The following NT5DC1 variants were observed in gnomAD, a reference collection of about 807,000 sequenced individuals.
The protein encoded by NT5DC1 is 5'-nucleotidase domain containing 1.
In NT5DC1, 42 loss-of-function variants were observed where a neutral mutation model predicts 59.4. The observed-to-expected ratio is 0.71, with a 90% confidence interval of 0.55 to 0.92. The LOEUF is 0.92. Ranked by LOEUF, NT5DC1 falls within the 40% of genes least tolerant of loss-of-function variation. NT5DC1 has a pLI of 0.00. For missense variants in NT5DC1, 501 were observed against 537.1 expected, an observed-to-expected ratio of 0.93 and a Z score of 0.66; for synonymous variants, 172 against 188.1, an observed-to-expected ratio of 0.91 and a Z score of 0.70.
Position 116,110,884 on chromosome 6 carries a change from G to T in NT5DC1, c.292G>T (p.Val98Leu). 1.2e-6 allele frequency: 2 copies of T among 1,614,124 alleles called. No individual in the cohort carries two copies. The highest frequency in any genetic ancestry group is 1.7e-6 in the Non-Finnish European group (2 of 1,179,940). The change falls in exon 4 of 12, where the codon GTG becomes TTG. Residue 98 changes from valine to leucine, a missense_variant. Coordinates refer to ENST00000319550, the MANE Select transcript of NT5DC1 (RefSeq NM_152729.3). The part of the protein sequence containing the change: ...SHGTKMMTPE[V>L]LAEAYGKKEW... ...TGGCACCAAGATGATGACTCCAGAG[G>T]TGCTGGCAGAGGCATATGGCAAGAA...
At chr6:116,124,768 A>G (rs954409462) in intron 6 of NT5DC1, among the ~76,000 whole-genome samples, 4 of 152,128 alleles carry the variant, frequency 2.6e-5, no homozygotes, top group African/African-American at 4.8e-5. Flanking sequence ...CCGCTAAACT[A>G]TATTCAAAAT....
intron 6 of NT5DC1, among the ~76,000 whole-genome samples, chr6:116,220,423 C>T (rs1015104936): frequency 2.6e-5 from 4 of 152,180 alleles, no homozygotes; most frequent in African/African-American, 7.2e-5. Context: ...GAGCAAGCAA[C>T]CCCGCTTCAG....
chr6:116,239,047 CT>C lies in NT5DC1; in HGVS notation c.1178del (p.Leu393TrpfsTer60). On this transcript the variant is annotated frameshift_variant, in exon 11 of 12. Coordinates refer to ENST00000319550, the MANE Select transcript of NT5DC1 (RefSeq NM_152729.3). LOFTEE classifies it high-confidence loss of function. ...TGGGACTGGAAAATACAGAAGACTC[CT>C]TGGTTTATACATGGTCTTGTAAGAG... ...VLGLENTEDS[L>X]VYTWSCKRIS... The C allele has an allele frequency of 6.2e-7, 1 of 1,609,968 alleles. No individual in the cohort carries two copies. Among genetic ancestry groups the C allele is most frequent in the Non-Finnish European group, 8.5e-7 (1 of 1,176,504 alleles).
intron 8 of NT5DC1, among the ~76,000 whole-genome samples, chr6:116,236,530 A>C (rs1376022149): frequency 2.0e-5 from 3 of 152,206 alleles, no homozygotes; most frequent in Non-Finnish European, 2.9e-5. Flanking sequence ...AGGGTGCAAA[A>C]TTTACATCTG....
intron 6 of NT5DC1, chr6:116,120,180 C>G (rs1779067552): frequency 6.2e-7 from 1 of 1,614,010 alleles, no homozygotes; most frequent in South Asian, 1.1e-5. Context: ...TGGTCATTTT[C>G]TGTGAGATCG....
chr6:116,128,645 G>A (rs1393388718), intron 6 of NT5DC1, among the ~76,000 whole-genome samples: 3 of 152,026 alleles, frequency 2.0e-5, no homozygotes, highest in African/African-American at 7.2e-5. Context: ...TAAATACTGG[G>A]TGAATAATAT....
At chr6:116,197,110 TCCTTTCTCCA>T (rs1781246400) in intron 6 of NT5DC1, among the ~76,000 whole-genome samples, 1 of 151,800 alleles carries the variant, frequency 6.6e-6, no homozygotes, top group African/African-American at 2.4e-5. Flanking sequence ...CACCCCCACC[TCCTTTCTCCA>T]TTTGTAGTGG....
At chr6:116,114,477 C>G (rs1778928755) in intron 4 of NT5DC1, among the ~76,000 whole-genome samples, 1 of 128,784 alleles carries the variant, frequency 7.8e-6, no homozygotes, top group Admixed American at 1.1e-4. Flanking sequence ...CCAGTCAACG[C>G]TAAAGAACAA....
In NT5DC1 at chr6:116,236,774, TAAG is replaced by T. The variant is rs574296768; in HGVS notation, c.803-188_803-186del. Among the ~76,000 whole-genome samples, 12 of 152,232 alleles carry T rather than the reference TAAG, an allele frequency of 7.9e-5. No individual in the cohort carries two copies. In the East Asian group the frequency reaches 1.9e-3, roughly 24 times the overall value. On this transcript the variant is annotated intron_variant, in intron 8 of 11. Transcript: ENST00000319550. ...TTCCTTGAACCTTATTTTCCCCAAT[TAAG>T]AAGGCCACGGGATTAAAAAGTATAT...
In NT5DC1 at chr6:116,217,581, C is replaced by T. The variant is rs1431822063; in HGVS notation, c.530-3473C>T. ...AGTGTTAATTAGTATCATAATTAAA[C>T]ATGACTTTTTTCATAGGCTGCCTTA... is the stretch of plus-strand genomic sequence containing the variant. On this transcript the variant is annotated intron_variant, in intron 6 of 11. Coordinates refer to ENST00000319550, the MANE Select transcript of NT5DC1 (RefSeq NM_152729.3). 3.3e-5 allele frequency among the ~76,000 whole-genome samples: 5 copies of T among 152,184 alleles called. No individual in the cohort carries two copies. In the East Asian group the frequency reaches 9.7e-4, roughly 29 times the overall value.
At chr6:116,219,719 G>A (rs566425954) in intron 6 of NT5DC1, among the ~76,000 whole-genome samples, 1 of 152,188 alleles carries the variant, frequency 6.6e-6, no homozygotes, top group South Asian at 2.1e-4. Context: ...CACTTTGGGA[G>A]GCAGAGTGGG....
chr6:116,143,281 G>T (rs753249886), intron 6 of NT5DC1, among the ~76,000 whole-genome samples: 3 of 152,054 alleles, frequency 2.0e-5, no homozygotes, highest in Non-Finnish European at 2.9e-5. Flanking sequence ...CGCGATTTTG[G>T]CTCATTGCAA....
At chr6:116,185,370 T>C (rs1780973919) in intron 6 of NT5DC1, among the ~76,000 whole-genome samples, 1 of 152,142 alleles carries the variant, frequency 6.6e-6, no homozygotes, top group Non-Finnish European at 1.5e-5. Flanking sequence ...AAAATATCTG[T>C]TAAGTCCATT....
At chr6:116,231,945 G>A (rs930472886) in intron 8 of NT5DC1, among the ~76,000 whole-genome samples, 4 of 152,138 alleles carry the variant, frequency 2.6e-5, no homozygotes, top group African/African-American at 4.8e-5. Flanking sequence ...TAGGGCTGCC[G>A]TAACAAAATA....
At chr6:116,173,500 TTCATTCACTTCATGTAG>T (rs1780660477) in intron 6 of NT5DC1, among the ~76,000 whole-genome samples, 2 of 152,036 alleles carry the variant, frequency 1.3e-5, no homozygotes, top group African/African-American at 4.8e-5. Context: ...AGCAGAGAGC[TTCATTCACTTCATGTAG>T]AGGGTTCCCG....
intron 6 of NT5DC1, among the ~76,000 whole-genome samples, chr6:116,219,976 AAAAAAAAAC>A (rs1317127386): frequency 6.7e-6 from 1 of 149,498 alleles, no homozygotes; most frequent in Non-Finnish European, 1.5e-5. Flanking sequence ...AAAAAAAAAA[AAAAAAAAAC>A]AACTCTTCTT....
chr6:116,132,369 C>T (rs568136925), intron 6 of NT5DC1, among the ~76,000 whole-genome samples: 2 of 152,152 alleles, frequency 1.3e-5, no homozygotes, highest in South Asian at 2.1e-4. Context: ...GACCATTTCT[C>T]TAGCCTACTT....
chr6:116,179,914 T>C (rs187275414), intron 6 of NT5DC1, among the ~76,000 whole-genome samples: 135 of 152,284 alleles, frequency 8.9e-4, no homozygotes, highest in African/African-American at 3.2e-3. Context: ...GTGATCCCTC[T>C]GAAGCAAGTT....
At chr6:116,231,106 C>CAAAAAAAAA (rs34948626) in intron 8 of NT5DC1, among the ~76,000 whole-genome samples, 1 of 69,990 alleles carries the variant, frequency 1.4e-5, no homozygotes. Context: ...AACTCCGTCT[C>CAAAAAAAAA]AAAAAAAAAA....
Sources: gnomAD v4.1 joint callset for allele counts (sites outside exome capture counted in the v4.1 genomes callset) on GRCh38, gnomAD v4.1.1 for gene constraint, MANE v1.5 for transcripts, NCBI Gene and HGNC (gene_info 2026-07-23, HGNC 2026-07-21) for gene names.